Variants in FXR1 observed in about 807,000 individuals in gnomAD.
FXR1 encodes FMR1 autosomal homolog 1.
FXR1 carries 15 observed loss-of-function variants against 84.0 expected under a neutral mutation model. The observed-to-expected ratio is 0.18, with a 90% CI of 0.12 to 0.27. FXR1 has a LOEUF of 0.27. Among genes scored for constraint, FXR1 ranks in the 10% least tolerant of loss-of-function variants. The pLI is 1.00. For synonymous variants in FXR1, 245 were observed against 250.7 expected (o/e 0.98, Z 0.21); for missense variants, 480 against 774.4 (o/e 0.62, Z 4.51).
intron 15 of FXR1, among the ~76,000 whole-genome samples, chr3:180,974,268 C>T (rs1713947775): frequency 6.6e-6 from 1 of 151,458 alleles, no homozygotes; most frequent in African/African-American, 2.4e-5. Context: ...AAGCAATGCT[C>T]TTGCCTCAGC....
At chr3:180,935,477 T>C (rs954296075) in intron 3 of FXR1, among the ~76,000 whole-genome samples, 1 of 152,232 alleles carries the variant, frequency 6.6e-6, no homozygotes, top group Non-Finnish European at 1.5e-5. Context: ...TGGATGATAG[T>C]GCATTTGAAT....
At chr3:180,915,414 A>T in intron 1 of FXR1, 2 of 827,822 alleles carry the variant, frequency 2.4e-6, no homozygotes, top group Non-Finnish European at 1.9e-6. Context: ...CGTTACGTAT[A>T]TAGAATCGTA....
chr3:180,929,082 C>A (rs571582607), intron 1 of FXR1, among the ~76,000 whole-genome samples: 1 of 152,230 alleles, frequency 6.6e-6, no homozygotes, highest in East Asian at 1.9e-4. Flanking sequence ...CCACCACACC[C>A]TGCTAATGTT....
At chr3:180,912,817 A>G in intron 1 of FXR1, 81 bp downstream of exon 1, 1 of 1,605,928 alleles carries the variant, frequency 6.2e-7, no homozygotes, top group Non-Finnish European at 8.5e-7. Context: ...CCAGAGAGTG[A>G]GGTTTGGGGT....
At chr3:180,923,329 A>G (rs562921950) in intron 1 of FXR1, among the ~76,000 whole-genome samples, 59 of 152,296 alleles carry the variant, frequency 3.9e-4, no homozygotes, top group South Asian at 1.2e-3. Flanking sequence ...TGTCCTGGGA[A>G]TACCATACAG....
chr3:180,922,877 G>A (rs971297230), intron 1 of FXR1, among the ~76,000 whole-genome samples: 10 of 152,080 alleles, frequency 6.6e-5, no homozygotes, highest in African/African-American at 2.4e-4. Flanking sequence ...GCCTCCCAAA[G>A]TGCTGGGATT....
At chr3:180,963,681 A>G (rs555561089) in intron 13 of FXR1, among the ~76,000 whole-genome samples, 84 of 152,360 alleles carry the variant, frequency 5.5e-4, no homozygotes, top group South Asian at 1.7e-3. Context: ...CACTTTATAA[A>G]TGAACATTTT....
chr3:180,957,520 TA>T, intron 9 of FXR1: 1 of 216,366 alleles, frequency 4.6e-6, no homozygotes, highest in Non-Finnish European at 9.0e-6. Flanking sequence ...TTGGATATTT[TA>T]AAAATATGAA....
intron 3 of FXR1, among the ~76,000 whole-genome samples, chr3:180,938,758 G>C (rs2108450817): frequency 6.6e-6 from 1 of 152,284 alleles, no homozygotes; most frequent in African/African-American, 2.4e-5. Context: ...ATGTTGGTCA[G>C]GCTGGTCTCA....
At chr3:180,925,060 C>T (rs764059658) in intron 1 of FXR1, among the ~76,000 whole-genome samples, 1 of 151,998 alleles carries the variant, frequency 6.6e-6, no homozygotes, top group African/African-American at 2.4e-5. Flanking sequence ...ATGTTGTAAA[C>T]CTACTTTAAA....
intron 1 of FXR1, among the ~76,000 whole-genome samples, chr3:180,915,981 CT>C (rs1222905350): frequency 6.6e-6 from 1 of 152,146 alleles, no homozygotes; most frequent in African/African-American, 2.4e-5. Context: ...GTTCGTAGCC[CT>C]ATAAATCTGC....
intron 3 of FXR1, among the ~76,000 whole-genome samples, chr3:180,947,651 C>T (rs1432099582): frequency 6.6e-6 from 1 of 152,100 alleles, no homozygotes; most frequent in African/African-American, 2.4e-5. Context: ...GAATTAATTT[C>T]TAAGAAGCTA....
intron 1 of FXR1, among the ~76,000 whole-genome samples, chr3:180,932,431 T>G (rs920886560): frequency 3.3e-5 from 5 of 152,244 alleles, no homozygotes; most frequent in African/African-American, 1.2e-4. Context: ...TGTAATTATA[T>G]AAGTGCCAAG....
chr3:180,980,235 A>C lies in FXR1; in HGVS notation c.*3943A>C, dbSNP rs1204220756. 2 of 152,064 alleles carry C rather than the reference A, an allele frequency of 1.3e-5. No individual in the cohort carries two copies. Among genetic ancestry groups the C allele is most frequent in the Non-Finnish European group, 2.9e-5 (2 of 67,956 alleles). 9.4% of individuals were successfully genotyped at this position (152,064 alleles called of 1,614,324 possible). On this transcript the variant is annotated 3_prime_UTR_variant, in exon 17 of 17. Coordinates refer to ENST00000357559, the MANE Select transcript of FXR1 (RefSeq NM_005087.4). ...TGGTGTTTGTTTTACATATGTATCC[A>C]TCCCAGACATTTTCAACTATGCTGA...
At chr3:180,925,819 G>GA (rs1203550139) in intron 1 of FXR1, among the ~76,000 whole-genome samples, 1 of 152,160 alleles carries the variant, frequency 6.6e-6, no homozygotes, top group African/African-American at 2.4e-5. Context: ...TCTTGGGGAA[G>GA]AAAAAACCCG....
chr3:180,919,484 C>T (rs537925204), intron 1 of FXR1, among the ~76,000 whole-genome samples: 75 of 151,790 alleles, frequency 4.9e-4, no homozygotes, highest in South Asian at 3.5e-3. Flanking sequence ...AGGGTTTCAC[C>T]ATGTTGGCCG....
chr3:180,958,893 T>C (rs1168994563), intron 10 of FXR1, among the ~76,000 whole-genome samples: 2 of 151,378 alleles, frequency 1.3e-5, no homozygotes, highest in Non-Finnish European at 2.9e-5. Flanking sequence ...CTGCAACCTC[T>C]GCCTCCCTCA....
intron 1 of FXR1, among the ~76,000 whole-genome samples, chr3:180,931,371 A>G (rs1200777148): frequency 6.6e-6 from 1 of 151,776 alleles, no homozygotes; most frequent in Non-Finnish European, 1.5e-5. Flanking sequence ...GGCAGCTGCT[A>G]CCACATCTGG....
intron 3 of FXR1, among the ~76,000 whole-genome samples, chr3:180,937,685 G>GT (rs1463435473): frequency 4.6e-5 from 7 of 151,930 alleles, no homozygotes; most frequent in Middle Eastern, 3.4e-3. Flanking sequence ...ATAGGATTTT[G>GT]TTTTTTTGTC....
Sources: gnomAD v4.1 joint callset for allele counts (sites outside exome capture counted in the v4.1 genomes callset) on GRCh38, gnomAD v4.1.1 for gene constraint, MANE v1.5 for transcripts, NCBI Gene and HGNC (gene_info 2026-07-23, HGNC 2026-07-21) for gene names.